PTPN18: variants seen among roughly 807,000 people sequenced by gnomAD.
PTPN18 encodes tyrosine-protein phosphatase non-receptor type 18.
A neutral mutation model predicts 65.4 loss-of-function variants in PTPN18; 65 were observed. The ratio of observed to expected loss-of-function variants is 0.99; its 90% CI spans 0.81 to 1.22. The LOEUF is 1.22. PTPN18 is among the 50% of genes most tolerant of loss of function. The pLI is 0.00. For missense variants in PTPN18, 616 were observed against 646.5 expected (o/e 0.95, Z 0.51); for synonymous variants, 255 against 267.8 (o/e 0.95, Z 0.47).
chr2:130,367,203 C>T (rs1680414056), intron 5 of PTPN18, among the ~76,000 whole-genome samples: 1 of 151,870 alleles, frequency 6.6e-6, no homozygotes, highest in African/African-American at 2.4e-5. Context: ...TCTAATATTT[C>T]TCATAATGCA....
At chr2:130,372,591 G>T in intron 13 of PTPN18, 108 bp downstream of exon 13, 2 of 1,297,768 alleles carry the variant, frequency 1.5e-6, no homozygotes, top group Non-Finnish European at 2.0e-6. Context: ...GACCCCAGCC[G>T]CTAGCCTGGC....
intron 5 of PTPN18, chr2:130,362,079 T>C (rs1680233994): frequency 2.1e-6 from 1 of 467,210 alleles, no homozygotes; most frequent in Admixed American, 2.4e-5. Flanking sequence ...ATGATCATGC[T>C]AGCGCAGCCT....
At chr2:130,358,754 C>A in intron 1 of PTPN18, 113 bp from the exon 2 acceptor site, 3 of 797,556 alleles carry the variant, frequency 3.8e-6, no homozygotes, top group Non-Finnish European at 4.2e-6. Flanking sequence ...CTGCACTCAC[C>A]TCCCCAGGCC....
At chr2:130,357,566 G>A (rs1041327591) in intron 1 of PTPN18, among the ~76,000 whole-genome samples, 2 of 152,168 alleles carry the variant, frequency 1.3e-5, no homozygotes, top group Non-Finnish European at 2.9e-5. Flanking sequence ...TATAAAATAT[G>A]TAACAGATGG....
chr2:130,372,738 G>A lies in PTPN18; in HGVS notation c.1241-135G>A, dbSNP rs1252269682. 28 of 1,115,748 alleles carry A rather than the reference G, an allele frequency of 2.5e-5. 1 individual carries two copies. In the Admixed American group the frequency reaches 5.7e-4, roughly 23 times the overall value. 69.1% of individuals were successfully genotyped at this position (1,115,748 alleles called of 1,614,324 possible). ...GCCCAAAGGCTGGAGGCCACGTCCG[G>A]GGTGTGTGCCTTCTCCCGCCCGGCG... is the stretch of plus-strand genomic sequence containing the variant. On this transcript the variant is annotated intron_variant, in intron 13 of 14. Transcript: ENST00000175756.
rs981437397 is a variant in PTPN18, at chr2:130,356,063, CCG to C, written c.-36_-35del. ...CCGCCTCCCGCGGCGTCCACACTCG[CCG>C]CGCGCGCGGCGGCCGGGCTGGACCT... is the stretch of plus-strand genomic sequence containing the variant. On this transcript the variant is annotated 5_prime_UTR_variant, in exon 1 of 15. Transcript: ENST00000175756. 1.1e-5 allele frequency: 13 copies of C among 1,183,982 alleles called. No individual in the cohort carries two copies. The South Asian group carries it at 1.5e-4, about 13-fold the overall frequency. The allele number at this position is 1,183,982 out of a possible 1,614,324, so 73.3% of individuals were successfully genotyped here. A position where few individuals can be genotyped will look rare whatever the true frequency, so the allele number is the denominator to read the frequency against.
chr2:130,364,779 G>C (rs868132770), intron 5 of PTPN18, among the ~76,000 whole-genome samples: 2 of 152,208 alleles, frequency 1.3e-5, no homozygotes, highest in African/African-American at 4.8e-5. Flanking sequence ...CTGGGCGACA[G>C]AGCGAGACTC....
intron 8 of PTPN18, 178 bp from the exon 9 acceptor site, chr2:130,370,379 G>C (rs1207363898): frequency 9.0e-7 from 1 of 1,106,322 alleles, no homozygotes; most frequent in Non-Finnish European, 1.3e-6. Context: ...CACAGCTCTT[G>C]CTCAACAAAA....
chr2:130,364,882 C>A (rs113248143), intron 5 of PTPN18, among the ~76,000 whole-genome samples: 11,222 of 152,258 alleles, frequency 0.074, 1,343 homozygotes, highest in African/African-American at 0.25. Flanking sequence ...ATACACCTAG[C>A]ATGGAATTGC....
Position 130,374,547 on chromosome 2 carries a change from T to G in PTPN18, c.*1323T>G. ...AACATTAAGCGGCTGTTAAAAGAAATAAAAGGAGGACACGTCTCTGTGCAC... is the reference window on the plus strand; with the variant it reads ...AACATTAAGCGGCTGTTAAAAGAAAGAAAAGGAGGACACGTCTCTGTGCAC... On this transcript the variant is annotated 3_prime_UTR_variant, in exon 15 of 15. Coordinates refer to ENST00000175756, the MANE Select transcript of PTPN18 (RefSeq NM_014369.4). 4.5e-6 allele frequency: 2 copies of G among 448,080 alleles called. No homozygotes were observed. Among genetic ancestry groups the G allele is most frequent in the South Asian group, 1.6e-5 (1 of 62,298 alleles). The allele number at this position is 448,080 out of a possible 1,614,324, so 27.8% of individuals were successfully genotyped here.
At chr2:130,356,531 C>G (rs1424366149) in intron 1 of PTPN18, 4 of 503,908 alleles carry the variant, frequency 7.9e-6, no homozygotes, top group African/African-American at 7.9e-5. Context: ...GGAGGGCGGG[C>G]GGCCCTGCTG....
chr2:130,359,690 G>A (rs1324052564), intron 5 of PTPN18, 44 bp downstream of exon 5: 2 of 1,599,426 alleles, frequency 1.3e-6, no homozygotes, highest in Non-Finnish European at 8.6e-7. Flanking sequence ...TGTGGGAGGA[G>A]GGAGGAGGGA....
chr2:130,364,783 G>A (rs1433183708), intron 5 of PTPN18, among the ~76,000 whole-genome samples: 4 of 152,292 alleles, frequency 2.6e-5, no homozygotes, highest in South Asian at 2.1e-4. Context: ...GCGACAGAGC[G>A]AGACTCCGTC....
At chr2:130,371,007 C>T (rs575348808) in intron 11 of PTPN18, 43 bp downstream of exon 11, 10 of 1,587,940 alleles carry the variant, frequency 6.3e-6, no homozygotes, top group African/African-American at 4.1e-5. Flanking sequence ...CCATCAGCAC[C>T]CTCAGAGACC....
intron 6 of PTPN18, 140 bp from the exon 7 acceptor site, chr2:130,369,614 CTTTGGGGAAAG>C: frequency 1.3e-6 from 1 of 797,120 alleles, no homozygotes; most frequent in East Asian, 2.8e-5. Flanking sequence ...TTAATGAAAG[CTTTGGGGAAAG>C]TTTGGGCTAT....
At chr2:130,369,930 T>C in intron 7 of PTPN18, 103 bp downstream of exon 7, 1 of 1,540,226 alleles carries the variant, frequency 6.5e-7, no homozygotes, top group Non-Finnish European at 8.9e-7. Context: ...CCTCAGTTAT[T>C]GTCTGGTAGA....
At chr2:130,368,338 G>A (rs1465613532) in intron 5 of PTPN18, among the ~76,000 whole-genome samples, 2 of 152,204 alleles carry the variant, frequency 1.3e-5, no homozygotes, top group East Asian at 1.9e-4. Flanking sequence ...TCTTTAGAGT[G>A]TTTTGCCTTT....
At position 130,356,302 on chromosome 2, in the gene PTPN18, C is replaced by G. The variant is rs1482905549; in HGVS notation, c.93+102C>G. On this transcript the variant is annotated intron_variant, in intron 1 of 14. Coordinates refer to ENST00000175756, the MANE Select transcript of PTPN18 (RefSeq NM_014369.4). The stretch of plus-strand genomic sequence containing the variant: ...GCTCTGCCTTTCTGTCTCGGTGTCC[C>G]CGGTGTCTCCCCGCCTCGGGGGGTC... 2.4e-5 allele frequency: 20 copies of G among 816,620 alleles called. No homozygotes were observed. In the East Asian group the frequency reaches 7.0e-4, roughly 29 times the overall value. The allele number at this position is 816,620 out of a possible 1,614,324, so 50.6% of individuals were successfully genotyped here.
intron 1 of PTPN18, among the ~76,000 whole-genome samples, chr2:130,358,565 G>A (rs747624747): frequency 2.0e-5 from 3 of 152,022 alleles, no homozygotes; most frequent in South Asian, 2.1e-4. Flanking sequence ...TCCACAAGTC[G>A]CTGAACCACG....
Sources: gnomAD v4.1 joint callset for allele counts (sites outside exome capture counted in the v4.1 genomes callset) on GRCh38, gnomAD v4.1.1 for gene constraint, MANE v1.5 for transcripts, NCBI Gene and HGNC (gene_info 2026-07-23, HGNC 2026-07-21) for gene names.